The following TMEM266 variants were observed in gnomAD, a reference collection of about 807,000 sequenced individuals.
The protein encoded by TMEM266 is transmembrane protein 266.
TMEM266 carries 33 observed loss-of-function variants against 50.5 expected under a neutral mutation model. The observed-to-expected ratio is 0.65, with a 90% CI of 0.50 to 0.87. The LOEUF (loss-of-function observed/expected upper bound fraction) is 0.87. TMEM266 is among the 40% of genes least tolerant of loss of function. TMEM266 has a pLI of 0.00. For missense variants in TMEM266, 655 were observed against 695.1 expected, an observed-to-expected ratio of 0.94 and a Z score of 0.65; for synonymous variants, 310 against 292.3, an observed-to-expected ratio of 1.06 and a Z score of -0.62.
chr15:76,179,460 A>G (rs2038360791), intron 8 of TMEM266, among the ~76,000 whole-genome samples: 1 of 152,238 alleles, frequency 6.6e-6, no homozygotes, highest in Admixed American at 6.5e-5. Flanking sequence ...CCAGGGGGGC[A>G]TAGAACCAGG....
chr15:76,166,276 C>G (rs2038095909), intron 5 of TMEM266, among the ~76,000 whole-genome samples: 1 of 152,138 alleles, frequency 6.6e-6, no homozygotes, highest in Non-Finnish European at 1.5e-5. Context: ...GAGCCAGGGT[C>G]ACTCTGGCCT....
chr15:76,184,877 A>T (rs2038471520), intron 8 of TMEM266, among the ~76,000 whole-genome samples: 2 of 152,212 alleles, frequency 1.3e-5, no homozygotes, highest in South Asian at 4.1e-4. Flanking sequence ...TTAGCTAATG[A>T]TGTGCACTAA....
At chr15:76,130,397 TG>T (rs144113344) in intron 1 of TMEM266, among the ~76,000 whole-genome samples, 14,016 of 152,058 alleles carry the variant, frequency 0.092, 983 homozygotes, top group Admixed American at 0.21. Context: ...AAAAATTAGC[TG>T]GGCATGGCGG....
intron 1 of TMEM266, among the ~76,000 whole-genome samples, chr15:76,069,930 T>C (rs1243824464): frequency 2.0e-5 from 3 of 152,212 alleles, no homozygotes; most frequent in Non-Finnish European, 4.4e-5. Flanking sequence ...CAACTTTTAT[T>C]GAATGTATTG....
At chr15:76,089,395 G>A (rs376513007) in intron 1 of TMEM266, among the ~76,000 whole-genome samples, 5 of 151,840 alleles carry the variant, frequency 3.3e-5, no homozygotes, top group African/African-American at 7.2e-5. Flanking sequence ...GGGTTTCACC[G>A]TGTTAGCCAG....
chr15:76,132,482 C>T (rs572237900), intron 1 of TMEM266, among the ~76,000 whole-genome samples: 1 of 152,132 alleles, frequency 6.6e-6, no homozygotes, highest in Admixed American at 6.5e-5. Flanking sequence ...ACAGACTATG[C>T]CCTTTTAATT....
intron 1 of TMEM266, among the ~76,000 whole-genome samples, chr15:76,100,554 G>T (rs2036986814): frequency 6.6e-6 from 1 of 152,160 alleles, no homozygotes; most frequent in African/African-American, 2.4e-5. Flanking sequence ...CCATAGCCTT[G>T]GTGCCATGCC....
rs547959942 is a variant in TMEM266 at position 76,198,382 on chromosome 15, G to C, written c.959-3820G>C. Among the ~76,000 whole-genome samples, 3 of 92,894 alleles carry C rather than the reference G, an allele frequency of 3.2e-5. No homozygotes were observed. The East Asian group carries it at 7.1e-4, about 22-fold the overall frequency. The allele number at this position is 92,894 out of a possible 152,430, so 60.9% of individuals were successfully genotyped here. ...CAGGGCTGAATCAAAGCAAACTCCC[G>C]GGGGCAGGGGCTTATTCTTAGATGG... On this transcript the variant is annotated intron_variant, in intron 9 of 10. Transcript: ENST00000388942.
intron 1 of TMEM266, among the ~76,000 whole-genome samples, chr15:76,116,120 C>G (rs1457236502): frequency 6.6e-6 from 1 of 152,206 alleles, no homozygotes; most frequent in Non-Finnish European, 1.5e-5. Flanking sequence ...TACAGGCAGC[C>G]TGCACCCACT....
rs2037556724 is a variant in TMEM266, at chr15:76,134,223, G to T, written c.-41G>T. 2 of 1,609,256 alleles carry T rather than the reference G, an allele frequency of 1.2e-6. No individual in the cohort carries two copies. The highest frequency in any genetic ancestry group is 1.1e-5 in the South Asian group (1 of 90,792). ...CCACGCTTGGAAATGCTGACAGCAG[G>T]CTTCAGGACAGCTGAGCCCCACTAA... On this transcript the variant is annotated 5_prime_UTR_variant, in exon 2 of 11. Coordinates refer to ENST00000388942, the MANE Select transcript of TMEM266 (RefSeq NM_152335.3).
rs2037869274 is a variant in TMEM266 at position 76,153,114 on chromosome 15, T to G, written c.228-3490T>G. Among the ~76,000 whole-genome samples the G allele has an allele frequency of 6.9e-6, 1 of 145,670 alleles. No homozygotes were observed. The highest frequency in any genetic ancestry group is 7.1e-5 in the Admixed American group (1 of 13,990). ...CCTGCAGCTTCCTAACCACCTGATA[T>G]GGTTAGTAAGTTTCTCTAACAAAAA... On this transcript the variant is annotated intron_variant, in intron 3 of 10. Transcript: ENST00000388942. This position sits in a 1 kb window ranked among gnomAD's most constrained non-coding sequence, Gnocchi z 4.2.
At chr15:76,117,603 A>G (rs942614650) in intron 1 of TMEM266, among the ~76,000 whole-genome samples, 7 of 152,140 alleles carry the variant, frequency 4.6e-5, no homozygotes, top group Non-Finnish European at 1.0e-4. Flanking sequence ...TGATGAGAAT[A>G]TATCTGCCGT....
intron 5 of TMEM266, among the ~76,000 whole-genome samples, chr15:76,163,733 G>A (rs2038051225): frequency 6.6e-6 from 1 of 152,106 alleles, no homozygotes; most frequent in African/African-American, 2.4e-5. Flanking sequence ...GTGGGGTGTT[G>A]GTCGCATCCC....
Position 76,193,524 on chromosome 15 carries a change from CTTT to C in TMEM266, c.958+1369_958+1371del, listed in dbSNP as rs577237907. On this transcript the variant is annotated intron_variant, in intron 9 of 10. Transcript: ENST00000388942. ...GCATGAGCCACTGTGTCCAGCCACT[CTTT>C]TGAGAGATCTTCAGATCTTAGAAAC... is the stretch of plus-strand genomic sequence containing the variant. Among the ~76,000 whole-genome samples the C allele has an allele frequency of 2.6e-3, 395 of 152,336 alleles. 1 individual carries two copies. Among genetic ancestry groups the C allele is most frequent in the Non-Finnish European group, 4.5e-3 (304 of 68,026 alleles).
intron 8 of TMEM266, among the ~76,000 whole-genome samples, chr15:76,181,674 C>T (rs1484663179): frequency 6.6e-6 from 1 of 152,208 alleles, no homozygotes; most frequent in Non-Finnish European, 1.5e-5. Context: ...GGCTGCCCTT[C>T]AGAGAGACGG....
chr15:76,163,325 C>T (rs569371709), intron 5 of TMEM266, among the ~76,000 whole-genome samples: 3 of 152,326 alleles, frequency 2.0e-5, no homozygotes, highest in South Asian at 4.1e-4. Context: ...CGTTTGAGGA[C>T]ATCTGTTCAA....
chr15:76,182,167 G>A (rs948001710), intron 8 of TMEM266, among the ~76,000 whole-genome samples: 6 of 152,018 alleles, frequency 3.9e-5, no homozygotes, highest in East Asian at 1.9e-4. Flanking sequence ...CCTCTTATTC[G>A]GGGAGCCAGC....
intron 1 of TMEM266, among the ~76,000 whole-genome samples, chr15:76,123,101 T>C (rs1434081464): frequency 6.6e-6 from 1 of 152,208 alleles, no homozygotes; most frequent in East Asian, 1.9e-4. Flanking sequence ...AGACCTTGGC[T>C]CACCTAGAGA....
chr15:76,160,238 C>T lies in TMEM266; in HGVS notation c.456+70C>T. 6.8e-7 allele frequency: 1 copy of T among 1,467,716 alleles called. No homozygotes were observed. Among genetic ancestry groups the T allele is most frequent in the Non-Finnish European group, 9.5e-7 (1 of 1,050,392 alleles). The allele number at this position is 1,467,716 out of a possible 1,614,324, so 90.9% of individuals were successfully genotyped here. ...CCTGTCCTGGGGAAACCAAGGTCTACTTCTCGAAATGGTTTCTAGCATCAG... is the reference window on the plus strand; with the variant it reads ...CCTGTCCTGGGGAAACCAAGGTCTATTTCTCGAAATGGTTTCTAGCATCAG... On this transcript the variant is annotated intron_variant, in intron 5 of 10. Coordinates refer to ENST00000388942, the MANE Select transcript of TMEM266 (RefSeq NM_152335.3). This position sits in a 1 kb window ranked among gnomAD's most constrained non-coding sequence, Gnocchi z 5.7.
Sources: gnomAD v4.1 joint callset for allele counts (sites outside exome capture counted in the v4.1 genomes callset) on GRCh38, gnomAD v4.1.1 for gene constraint, Gnocchi (gnomAD v3.1) non-coding constraint, MANE v1.5 for transcripts, NCBI Gene and HGNC (gene_info 2026-07-23, HGNC 2026-07-21) for gene names.